GXYLT1: variants seen among roughly 807,000 people sequenced by gnomAD.
The protein encoded by GXYLT1 is glycosyltransferase 8 domain containing 3.
In GXYLT1, 29 loss-of-function variants were observed where a neutral mutation model predicts 54.0. That is an observed-to-expected ratio of 0.54 (90% confidence interval 0.40 to 0.73). The LOEUF is 0.73. Among genes scored for constraint, GXYLT1 ranks in the 30% least tolerant of loss-of-function variants. The probability of loss-of-function intolerance (pLI) is 0.00; values close to 1 mark genes in which losing one functional copy is unlikely to be tolerated. For missense variants in GXYLT1, 490 were observed against 553.4 expected, an observed-to-expected ratio of 0.89 and a Z score of 1.15; for synonymous variants, 176 against 204.1, an observed-to-expected ratio of 0.86 and a Z score of 1.17.
chr12:42,126,037 A>C (rs11832002), intron 2 of GXYLT1, among the ~76,000 whole-genome samples: 3,739 of 151,696 alleles, frequency 0.025, 138 homozygotes, highest in East Asian at 0.1. Context: ...AAAAACAAAC[A>C]AACCAAACAA....
intron 3 of GXYLT1, among the ~76,000 whole-genome samples, chr12:42,114,631 A>G (rs2065481568): frequency 6.6e-6 from 1 of 152,196 alleles, no homozygotes; most frequent in Admixed American, 6.5e-5. Context: ...AATTGAGGCA[A>G]TAATCAATAG....
chr12:42,097,539 G>A lies in GXYLT1; in HGVS notation c.1064C>T (p.Ala355Val). 6.2e-7 allele frequency: 1 copy of A among 1,611,716 alleles called. No homozygotes were observed. The highest frequency in any genetic ancestry group is 1.1e-5 in the South Asian group (1 of 90,906). ...AAGAATAAAGATTCCTCCTTCTTCT[G>A]CTTCTTGGCAATTGCTTCCATATAT... ...HCIYGSNCQE[A>V]EEGGIFILHG... The change falls in exon 7 of 8, where the codon GCA (alanine) becomes GTA (valine). Residue 355 changes from alanine to valine, a missense_variant. By Grantham distance (64) the Ala-to-Val change is moderately conservative. This residue lies in a region of GXYLT1 where 342 missense variants were observed against 342.6 expected (regional missense o/e 1.00). Transcript: ENST00000398675.
In GXYLT1 at chr12:42,114,964, G is replaced by C. The variant is rs534014105; in HGVS notation, c.486+4036C>G. Among the ~76,000 whole-genome samples the C allele has an allele frequency of 2.4e-4, 37 of 152,244 alleles. 1 individual carries two copies. The Middle Eastern group carries it at 0.01, about 42-fold the overall frequency. Reference sequence around the variant, plus strand: ...AGTGGGCTTCATCCCTGGAATGCAAGGCTGGTTCAACATATGGAAATCAAT... The same window carrying C: ...AGTGGGCTTCATCCCTGGAATGCAACGCTGGTTCAACATATGGAAATCAAT... On this transcript the variant is annotated intron_variant, in intron 3 of 7. Transcript: ENST00000398675.
chr12:42,109,542 A>G, intron 4 of GXYLT1, 24 bp downstream of exon 4: 4 of 1,440,074 alleles, frequency 2.8e-6, no homozygotes, highest in Non-Finnish European at 3.6e-6. Flanking sequence ...AAAAAAAAAA[A>G]AGACACTAGG....
chr12:42,141,601 T>C lies in GXYLT1; in HGVS notation c.221+2825A>G, dbSNP rs144755950. Reference sequence around the variant, plus strand: ...ATATTAACTAGCTTAACTGTGATCATTTCTCAATGTATATGTATGTCAAAC... The same window carrying C: ...ATATTAACTAGCTTAACTGTGATCACTTCTCAATGTATATGTATGTCAAAC... On this transcript the variant is annotated intron_variant, in intron 1 of 7. Transcript: ENST00000398675. 6.6e-3 allele frequency among the ~76,000 whole-genome samples: 1,005 copies of C among 152,164 alleles called. 7 individuals carry two copies. The highest frequency in any genetic ancestry group is 0.01 in the Non-Finnish European group (705 of 68,016).
chr12:42,139,025 G>A (rs1006636644), intron 1 of GXYLT1, among the ~76,000 whole-genome samples: 4 of 149,028 alleles, frequency 2.7e-5, no homozygotes, highest in Non-Finnish European at 4.5e-5. Context: ...GCAATGGAGC[G>A]AGACTCTGTC....
chr12:42,095,912 G>A (rs573315348), intron 7 of GXYLT1, among the ~76,000 whole-genome samples: 1 of 152,194 alleles, frequency 6.6e-6, no homozygotes, highest in East Asian at 1.9e-4. Flanking sequence ...CAGGGGAGAG[G>A]AAGAGGAAGG....
Position 42,082,840 on chromosome 12 carries a change from G to A in GXYLT1, c.*4946C>T, listed in dbSNP as rs1209058900. ...CTATCTTCATGATTTTTTACAAGAG[G>A]TTGCTATAGTGTGCTATGTGTGTAA... On this transcript the variant is annotated 3_prime_UTR_variant, in exon 8 of 8. Coordinates refer to ENST00000398675, the MANE Select transcript of GXYLT1 (RefSeq NM_173601.2). 6.6e-6 allele frequency: 1 copy of A among 152,052 alleles called. No homozygotes were observed. Among genetic ancestry groups the A allele is most frequent in the Non-Finnish European group, 1.5e-5 (1 of 68,016 alleles). The allele number at this position is 152,052 out of a possible 1,614,324, so 9.4% of individuals were successfully genotyped here. A position where few individuals can be genotyped will look rare whatever the true frequency, so the allele number is the denominator to read the frequency against.
intron 1 of GXYLT1, 68 bp downstream of exon 1, chr12:42,144,358 G>C: frequency 9.3e-7 from 1 of 1,077,792 alleles, no homozygotes; most frequent in Non-Finnish European, 1.2e-6. Context: ...CGAGCAGCCC[G>C]GGCTAGGCCG....
Position 42,085,130 on chromosome 12 carries a change from CA to C in GXYLT1, c.*2655del, listed in dbSNP as rs1238929068. 6.6e-6 allele frequency: 1 copy of C among 152,150 alleles called. No individual in the cohort carries two copies. Among genetic ancestry groups the C allele is most frequent in the Non-Finnish European group, 1.5e-5 (1 of 68,020 alleles). The allele number at this position is 152,150 out of a possible 1,614,324, so 9.4% of individuals were successfully genotyped here. A position where few individuals can be genotyped will look rare whatever the true frequency, so the allele number is the denominator to read the frequency against. Reference sequence around the variant, plus strand: ...GAATTACCTTGTCTAAAGATAAATTCAGAAAATTCATTTAAAAATTATTATA... The same window carrying C: ...GAATTACCTTGTCTAAAGATAAATTCGAAAATTCATTTAAAAATTATTATA... On this transcript the variant is annotated 3_prime_UTR_variant, in exon 8 of 8. Transcript: ENST00000398675.
chr12:42,113,405 C>G (rs1380028512), intron 3 of GXYLT1, among the ~76,000 whole-genome samples: 2 of 150,932 alleles, frequency 1.3e-5, no homozygotes, highest in Non-Finnish European at 2.9e-5. Context: ...GGCAGAGACA[C>G]ACATAGGCTC....
intron 7 of GXYLT1, 142 bp downstream of exon 7, chr12:42,097,300 C>T (rs878879002): frequency 5.8e-6 from 3 of 513,416 alleles, no homozygotes; most frequent in Non-Finnish European, 6.2e-6. Flanking sequence ...AGAAAACCAA[C>T]GACAAAGCAA....
At chr12:42,108,273 A>T (rs752837979) in intron 4 of GXYLT1, among the ~76,000 whole-genome samples, 3 of 152,238 alleles carry the variant, frequency 2.0e-5, no homozygotes, top group African/African-American at 7.2e-5. Context: ...AAAGTACCAT[A>T]ACAAAATGGC....
Position 42,106,063 on chromosome 12 carries a change from G to C in GXYLT1, c.619C>G (p.Leu207Val), listed in dbSNP as rs1385715593. 2 of 1,599,904 alleles carry C rather than the reference G, an allele frequency of 1.3e-6. No homozygotes were observed. Among genetic ancestry groups the C allele is most frequent in the East Asian group, 2.2e-5 (1 of 44,786 alleles). The change falls in exon 5 of 8, where the codon CTG becomes GTG. Residue 207 changes from leucine to valine, a missense_variant. This residue lies in a region of GXYLT1 where 342 missense variants were observed against 342.6 expected (regional missense o/e 1.00). Transcript: ENST00000398675. ...ASQRLFLPLI[L>V]KEVDSLLYVD... The stretch of plus-strand genomic sequence containing the variant: ...TACAATAGTGAGTCAACTTCTTTCA[G>C]GATTAACTACAAGGAGAGATATTTG...
rs187888801 is a variant in GXYLT1, at chr12:42,125,852, G to A, written c.314+3907C>T. 1.3e-3 allele frequency among the ~76,000 whole-genome samples: 197 copies of A among 151,834 alleles called. 1 individual carries two copies. The highest frequency in any genetic ancestry group is 3.8e-3 in the African/African-American group (156 of 41,404). ...CAACATAGCGAGACAGCGAGACCTT[G>A]TCTTCACTAATATTAAAAAAAAAAA... On this transcript the variant is annotated intron_variant, in intron 2 of 7. Transcript: ENST00000398675.
In GXYLT1 at chr12:42,129,213, T is replaced by C. The variant is rs141405686; in HGVS notation, c.314+546A>G. Among the ~76,000 whole-genome samples, 430 of 152,240 alleles carry C rather than the reference T, an allele frequency of 2.8e-3. 1 individual carries two copies. The highest frequency in any genetic ancestry group is 9.2e-3 in the African/African-American group (384 of 41,534). ...CCAATACCTTCATTATCCAGAGAAG[T>C]GAATAAAGCCGAACTAGTCAGTAAC... On this transcript the variant is annotated intron_variant, in intron 2 of 7. Coordinates refer to ENST00000398675, the MANE Select transcript of GXYLT1 (RefSeq NM_173601.2).
intron 1 of GXYLT1, among the ~76,000 whole-genome samples, chr12:42,131,603 G>A (rs1331644376): frequency 6.6e-6 from 1 of 152,206 alleles, no homozygotes; most frequent in Non-Finnish European, 1.5e-5. Flanking sequence ...CCACATTCTA[G>A]CATAGCACAA....
intron 1 of GXYLT1, among the ~76,000 whole-genome samples, chr12:42,140,748 G>A (rs1364027506): frequency 1.3e-5 from 2 of 152,138 alleles, no homozygotes; most frequent in African/African-American, 4.8e-5. Flanking sequence ...GACACATAAG[G>A]AGACTCCAAG....
chr12:42,130,098 G>A (rs996823453), intron 1 of GXYLT1, among the ~76,000 whole-genome samples: 3 of 152,104 alleles, frequency 2.0e-5, no homozygotes, highest in East Asian at 1.9e-4. Flanking sequence ...TGTTTCCGTC[G>A]GAGAGTCTCC....
Sources: allele counts gnomAD v4.1 joint callset (sites outside exome capture counted in the v4.1 genomes callset), GRCh38; gene constraint gnomAD v4.1.1; regional missense constraint gnomAD v4.1.1; transcripts MANE v1.5; gene names NCBI Gene and HGNC (gene_info 2026-07-23, HGNC 2026-07-21).